MPPED2: variants seen among roughly 807,000 people sequenced by gnomAD.
MPPED2 encodes the protein metallophosphoesterase MPPED2.
Under a neutral mutation model 33.0 loss-of-function variants are expected in MPPED2, and 5 were observed. The observed-to-expected ratio is 0.15, with a 90% confidence interval of 0.08 to 0.32. MPPED2 has a LOEUF of 0.32. MPPED2 is among the 10% of genes least tolerant of loss of function. The pLI is 1.00. For missense variants in MPPED2, 275 were observed against 372.1 expected, an observed-to-expected ratio of 0.74 and a Z score of 2.15; for synonymous variants, 136 against 141.9, an observed-to-expected ratio of 0.96 and a Z score of 0.29.
At chr11:30,562,495 C>T (rs942832377) in intron 2 of MPPED2, among the ~76,000 whole-genome samples, 15 of 152,124 alleles carry the variant, frequency 9.9e-5, no homozygotes, top group African/African-American at 3.4e-4. Context: ...TGATGCATGC[C>T]TACAGGGAAA....
At chr11:30,554,319 T>TAGTAAA (rs1182707531) in intron 2 of MPPED2, among the ~76,000 whole-genome samples, 2 of 152,188 alleles carry the variant, frequency 1.3e-5, no homozygotes, top group East Asian at 3.9e-4. Context: ...ACTTCAATTC[T>TAGTAAA]AGTAAATGGG....
In MPPED2 at chr11:30,536,039, C is replaced by T; in HGVS notation, c.265G>A (p.Glu89Lys). Residue 89 changes from glutamate to lysine, a missense_variant, in exon 3 of 7, where the codon GAG becomes AAG. Coordinates refer to ENST00000358117, the MANE Select transcript of MPPED2 (RefSeq NM_001584.3). ...TTAACCTCTGAGGGCAGTCCCAGCT[C>T]GGTGAAATCGCCTGTGTGGAGAAGG... ...DILLHTGDFT[E>K]LGLPSEVKKF... 6.2e-7 allele frequency: 1 copy of T among 1,612,918 alleles called. No individual in the cohort carries two copies. Among genetic ancestry groups the T allele is most frequent in the Middle Eastern group, 1.7e-4 (1 of 5,966 alleles).
At chr11:30,574,233 A>AT (rs1956825530) in intron 2 of MPPED2, among the ~76,000 whole-genome samples, 1 of 152,030 alleles carries the variant, frequency 6.6e-6, no homozygotes, top group South Asian at 2.1e-4. Flanking sequence ...ACCATTTTTA[A>AT]TTTTTTATAC....
intron 2 of MPPED2, among the ~76,000 whole-genome samples, chr11:30,557,518 A>G (rs1254061038): frequency 1.3e-5 from 2 of 152,158 alleles, no homozygotes; most frequent in Non-Finnish European, 2.9e-5. Flanking sequence ...TTTATTTACA[A>G]ATATTCTTTC....
intron 6 of MPPED2, among the ~76,000 whole-genome samples, chr11:30,391,652 T>A (rs1947777606): frequency 6.6e-6 from 1 of 152,228 alleles, no homozygotes; most frequent in Admixed American, 6.5e-5. Context: ...GTCATTTTGC[T>A]TCAATGTCTG....
At chr11:30,486,376 G>A (rs907804079) in intron 4 of MPPED2, among the ~76,000 whole-genome samples, 17 of 152,120 alleles carry the variant, frequency 1.1e-4, no homozygotes, top group African/African-American at 3.6e-4. Flanking sequence ...TCTACACGAC[G>A]CTAAGAACTC....
intron 4 of MPPED2, among the ~76,000 whole-genome samples, chr11:30,443,839 T>C (rs2133912204): frequency 6.6e-6 from 1 of 152,286 alleles, no homozygotes; most frequent in African/African-American, 2.4e-5. Flanking sequence ...AACAACAAAC[T>C]CATCTTAAGC....
At chr11:30,406,513 A>G (rs542419414), downstream of MPPED2, among the ~76,000 whole-genome samples, 1 of 152,286 alleles carries the variant, frequency 6.6e-6, no homozygotes, top group African/African-American at 2.4e-5. Context: ...TCTCCCATGG[A>G]AAAGCAAAGT....
chr11:30,501,663 A>C, intron 3 of MPPED2: 1 of 961,548 alleles, frequency 1.0e-6, no homozygotes, highest in Non-Finnish European at 1.2e-6. Context: ...CTCATGCAGA[A>C]TATCCAGAAT....
At chr11:30,450,566 T>G (rs1950013436) in intron 4 of MPPED2, among the ~76,000 whole-genome samples, 1 of 152,234 alleles carries the variant, frequency 6.6e-6, no homozygotes, top group Admixed American at 6.5e-5. Context: ...TGACAATAGC[T>G]GACTCTGGTT....
intron 4 of MPPED2, among the ~76,000 whole-genome samples, chr11:30,462,810 A>T (rs1333658053): frequency 6.6e-6 from 1 of 152,250 alleles, no homozygotes; most frequent in Non-Finnish European, 1.5e-5. Flanking sequence ...GGCAAAAAGT[A>T]TGGAAAAGGG....
intron 4 of MPPED2, among the ~76,000 whole-genome samples, chr11:30,418,937 C>T (rs1948490829): frequency 6.6e-6 from 1 of 152,138 alleles, no homozygotes; most frequent in Non-Finnish European, 1.5e-5. Context: ...TACGTGCAAA[C>T]CTCAGTTCAC....
intron 6 of MPPED2, among the ~76,000 whole-genome samples, chr11:30,399,145 TA>T (rs1404463493): frequency 5.4e-5 from 7 of 129,700 alleles, no homozygotes; most frequent in South Asian, 2.5e-4. Flanking sequence ...ATGGAAACAT[TA>T]AAAAAAGATC....
At chr11:30,530,731 G>A (rs984693868) in intron 3 of MPPED2, among the ~76,000 whole-genome samples, 2 of 152,186 alleles carry the variant, frequency 1.3e-5, no homozygotes, top group Admixed American at 6.5e-5. Context: ...TATTTGTGTA[G>A]CATCCATGAG....
intron 4 of MPPED2, among the ~76,000 whole-genome samples, chr11:30,434,344 C>T (rs1450599479): frequency 2.0e-5 from 3 of 152,136 alleles, no homozygotes; most frequent in Non-Finnish European, 4.4e-5. Context: ...ATATCCCTTC[C>T]TCACTTGCCC....
chr11:30,464,667 C>G (rs1023858225), intron 4 of MPPED2, among the ~76,000 whole-genome samples: 5 of 152,206 alleles, frequency 3.3e-5, no homozygotes, highest in Admixed American at 6.5e-5. Flanking sequence ...AATCTCTGAT[C>G]AACTTCAGAG....
At chr11:30,554,853 G>A (rs897128447) in intron 2 of MPPED2, among the ~76,000 whole-genome samples, 3 of 152,094 alleles carry the variant, frequency 2.0e-5, no homozygotes, top group African/African-American at 4.8e-5. Context: ...TAGGCCTGAC[G>A]TCACATGCTG....
At chr11:30,548,277 G>C (rs1364251998) in intron 2 of MPPED2, among the ~76,000 whole-genome samples, 1 of 151,532 alleles carries the variant, frequency 6.6e-6, no homozygotes, top group Non-Finnish European at 1.5e-5. Context: ...GTAAAGGTGC[G>C]ATCATAGCTC....
At position 30,497,700 on chromosome 11, in the gene MPPED2, C is replaced by CCTTTCTTTCTTT. The variant is rs140393689; in HGVS notation, c.311-2191_311-2180dup. Among the ~76,000 whole-genome samples, 307 of 151,804 alleles carry CCTTTCTTTCTTT rather than the reference C, an allele frequency of 2.0e-3. 2 individuals are homozygous for CCTTTCTTTCTTT. Among genetic ancestry groups the CCTTTCTTTCTTT allele is most frequent in the African/African-American group, 7.0e-3 (287 of 41,186 alleles). Reference sequence around the variant, plus strand: ...TTTTCCCCCTTCAGACTGGGTTTTTCCTTTCTTTCTTTCTTTCTTTCTTTT... The same window carrying CCTTTCTTTCTTT: ...TTTTCCCCCTTCAGACTGGGTTTTTCCTTTCTTTCTTTCTTTCTTTCTTTCTTTCTTTCTTTT... On this transcript the variant is annotated intron_variant, in intron 3 of 6. Transcript: ENST00000358117.
Sources: allele counts gnomAD v4.1 joint callset (sites outside exome capture counted in the v4.1 genomes callset), GRCh38; gene constraint gnomAD v4.1.1; transcripts MANE v1.5; gene names NCBI Gene and HGNC (gene_info 2026-07-23, HGNC 2026-07-21).